Variants in DCLK2 observed in about 807,000 individuals in gnomAD.
DCLK2 encodes serine/threonine-protein kinase DCLK2.
A neutral mutation model predicts 78.4 loss-of-function variants in DCLK2; 31 were observed. The observed-to-expected ratio is 0.40, with a 90% CI of 0.30 to 0.53. DCLK2 has a LOEUF of 0.53. DCLK2 is among the 20% of genes least tolerant of loss of function. The pLI is 0.61. For synonymous variants in DCLK2, 407 were observed against 374.9 expected (o/e 1.09, Z -0.99); for missense variants, 872 against 973.7 (o/e 0.90, Z 1.39).
intron 2 of DCLK2, among the ~76,000 whole-genome samples, chr4:150,120,911 A>G (rs925354667): frequency 1.3e-4 from 20 of 152,136 alleles, no homozygotes; most frequent in Non-Finnish European, 2.4e-4. Context: ...TCTACTAAAA[A>G]TACAAAAAAA....
In DCLK2 at chr4:150,256,650, C is replaced by T. The variant is rs1434565340; in HGVS notation, c.*403C>T. The T allele has an allele frequency of 5.7e-6, 1 of 176,738 alleles. No homozygotes were observed. Among genetic ancestry groups the T allele is most frequent in the Non-Finnish European group, 1.2e-5 (1 of 85,180 alleles). The allele number at this position is 176,738 out of a possible 1,614,324, so 10.9% of individuals were successfully genotyped here. ...AAGGCCTTTTCCTTATTTAAGTAGACTCAGAACACTCCCTTTCTTTTCTTT... is the reference window on the plus strand; with the variant it reads ...AAGGCCTTTTCCTTATTTAAGTAGATTCAGAACACTCCCTTTCTTTTCTTT... On this transcript the variant is annotated 3_prime_UTR_variant, in exon 16 of 16. Coordinates refer to ENST00000296550, the MANE Select transcript of DCLK2 (RefSeq NM_001040260.4).
At chr4:150,113,321 C>T (rs1731837132) in intron 2 of DCLK2, among the ~76,000 whole-genome samples, 1 of 152,164 alleles carries the variant, frequency 6.6e-6, no homozygotes, top group Admixed American at 6.5e-5. Flanking sequence ...AGGATTTGTA[C>T]CAATTCCTCT....
chr4:150,088,347 A>G (rs571975594), intron 1 of DCLK2, among the ~76,000 whole-genome samples: 102 of 151,678 alleles, frequency 6.7e-4, no homozygotes, highest in Non-Finnish European at 1.1e-3. Context: ...AACATTTAGC[A>G]GAGTCCTAGC....
intron 15 of DCLK2, chr4:150,254,323 G>A: frequency 2.5e-6 from 1 of 398,498 alleles, no homozygotes; most frequent in Non-Finnish European, 4.4e-6. Context: ...AGACAAAACT[G>A]TTTCACTCGT....
At chr4:150,192,611 A>G (rs1377438080) in intron 2 of DCLK2, among the ~76,000 whole-genome samples, 1 of 152,080 alleles carries the variant, frequency 6.6e-6, no homozygotes, top group Non-Finnish European at 1.5e-5. Flanking sequence ...GGTGGTAGGG[A>G]TGATGGGGGT....
intron 2 of DCLK2, among the ~76,000 whole-genome samples, chr4:150,142,838 G>A (rs984516500): frequency 6.6e-6 from 1 of 151,224 alleles, no homozygotes; most frequent in African/African-American, 2.4e-5. Flanking sequence ...GACTCAGGAG[G>A]AACATGCACA....
intron 1 of DCLK2, among the ~76,000 whole-genome samples, chr4:150,083,102 G>T (rs559403926): frequency 1.9e-4 from 29 of 152,154 alleles, no homozygotes; most frequent in African/African-American, 7.0e-4. Context: ...TTATCTGAGG[G>T]GTTATTGTTG....
At chr4:150,171,838 A>G (rs990764270) in intron 2 of DCLK2, among the ~76,000 whole-genome samples, 2 of 152,220 alleles carry the variant, frequency 1.3e-5, no homozygotes, top group Non-Finnish European at 2.9e-5. Context: ...TGAATCCCTC[A>G]CACTGGCTGG....
chr4:150,159,658 T>C (rs1024808378), intron 2 of DCLK2, among the ~76,000 whole-genome samples: 8 of 152,348 alleles, frequency 5.3e-5, no homozygotes, highest in African/African-American at 1.9e-4. Context: ...AAAATCTTCA[T>C]TGACGAAGAG....
chr4:150,196,337 G>A (rs915612177), intron 3 of DCLK2, among the ~76,000 whole-genome samples: 1 of 152,134 alleles, frequency 6.6e-6, no homozygotes, highest in African/African-American at 2.4e-5. Flanking sequence ...CATTTAAGAT[G>A]TTTCTAATAA....
intron 2 of DCLK2, among the ~76,000 whole-genome samples, chr4:150,180,923 C>T (rs555918204): frequency 6.6e-6 from 1 of 152,262 alleles, no homozygotes; most frequent in East Asian, 1.9e-4. Flanking sequence ...TCATAAGACC[C>T]CCATTCCAGA....
chr4:150,239,615 A>T, intron 10 of DCLK2, 127 bp from the exon 11 acceptor site: 1 of 1,295,266 alleles, frequency 7.7e-7, no homozygotes. Flanking sequence ...AAAAAAAATC[A>T]CAAGGAGAGA....
At chr4:150,174,075 C>T (rs1736757263) in intron 2 of DCLK2, among the ~76,000 whole-genome samples, 1 of 152,000 alleles carries the variant, frequency 6.6e-6, no homozygotes. Flanking sequence ...TTAGTGATAC[C>T]CAGGAAATGA....
chr4:150,208,904 T>C (rs1285496817), intron 5 of DCLK2, among the ~76,000 whole-genome samples: 1 of 152,134 alleles, frequency 6.6e-6, no homozygotes, highest in Non-Finnish European at 1.5e-5. Flanking sequence ...AAGATGGGTA[T>C]AGATTGGAAT....
In DCLK2 at chr4:150,256,318, T is replaced by A; in HGVS notation, c.*71T>A. On this transcript the variant is annotated 3_prime_UTR_variant, in exon 16 of 16. Transcript: ENST00000296550. ...AGCCCTCTGCTCGGCCTCGCCGGCCTCCCTGCTGCAGGCCTCCCTCTCTTC... is the reference window on the plus strand; with the variant it reads ...AGCCCTCTGCTCGGCCTCGCCGGCCACCCTGCTGCAGGCCTCCCTCTCTTC... The A allele has an allele frequency of 6.9e-7, 1 of 1,441,440 alleles. No homozygotes were observed. The highest frequency in any genetic ancestry group is 9.1e-7 in the Non-Finnish European group (1 of 1,101,500). The allele number at this position is 1,441,440 out of a possible 1,614,324, so 89.3% of individuals were successfully genotyped here.
At chr4:150,215,452 G>A (rs1740625040) in intron 5 of DCLK2, among the ~76,000 whole-genome samples, 1 of 152,168 alleles carries the variant, frequency 6.6e-6, no homozygotes, top group African/African-American at 2.4e-5. Flanking sequence ...CCCTCTTTGG[G>A]TTTGATTAAT....
intron 1 of DCLK2, among the ~76,000 whole-genome samples, chr4:150,080,861 G>T (rs1008913916): frequency 6.6e-6 from 1 of 152,188 alleles, no homozygotes. Flanking sequence ...GTCTACATAT[G>T]TATGTGCTTG....
chr4:150,235,786 C>T (rs371601644), intron 10 of DCLK2, among the ~76,000 whole-genome samples: 19 of 152,190 alleles, frequency 1.2e-4, no homozygotes, highest in African/African-American at 4.3e-4. Flanking sequence ...CCTCTTCTTG[C>T]TCTGAGAACT....
chr4:150,096,601 A>G (rs1730481026), intron 1 of DCLK2, among the ~76,000 whole-genome samples: 1 of 152,188 alleles, frequency 6.6e-6, no homozygotes, highest in South Asian at 2.1e-4. Context: ...AGGTAAAGGT[A>G]AGGGAGATCA....
Sources: gnomAD v4.1 joint callset for allele counts (sites outside exome capture counted in the v4.1 genomes callset) on GRCh38, gnomAD v4.1.1 for gene constraint, MANE v1.5 for transcripts, NCBI Gene and HGNC (gene_info 2026-07-23, HGNC 2026-07-21) for gene names.